TIMM17A: variants seen among roughly 807,000 people sequenced by gnomAD.
TIMM17A encodes mitochondrial import inner membrane translocase subunit Tim17-A.
TIMM17A carries 15 observed loss-of-function variants against 26.5 expected under a neutral mutation model. The ratio of observed to expected loss-of-function variants is 0.57; its 90% CI spans 0.38 to 0.87. The LOEUF is 0.87. Ranked by LOEUF, TIMM17A falls within the 40% of genes least tolerant of loss-of-function variation. The pLI is 0.00. For synonymous variants in TIMM17A, 80 were observed against 70.8 expected (o/e 1.13, Z -0.66); for missense variants, 201 against 210.0 (o/e 0.96, Z 0.27).
At chr1:201,963,818 A>G (rs1682576465) in intron 4 of TIMM17A, 74 bp downstream of exon 4, 2 of 1,465,196 alleles carry the variant, frequency 1.4e-6, no homozygotes, top group Non-Finnish European at 1.8e-6. Context: ...ATTGAATGAC[A>G]TCTGTAATAT....
At chr1:201,957,231 T>A in intron 1 of TIMM17A, 50 bp from the exon 2 acceptor site, 2 of 1,236,442 alleles carry the variant, frequency 1.6e-6, no homozygotes, top group Non-Finnish European at 2.4e-6. Flanking sequence ...AAAGAAGATT[T>A]TATGGTTTGT....
At chr1:201,966,352 A>G (rs774002466) in intron 5 of TIMM17A, among the ~76,000 whole-genome samples, 1 of 151,852 alleles carries the variant, frequency 6.6e-6, no homozygotes, top group South Asian at 2.1e-4. Flanking sequence ...ATGGAGCGAG[A>G]CTCTGTCTCA....
chr1:201,959,900 C>T (rs1682492529), intron 3 of TIMM17A, among the ~76,000 whole-genome samples: 1 of 151,980 alleles, frequency 6.6e-6, no homozygotes, highest in African/African-American at 2.4e-5. Flanking sequence ...CCTTGGGAGG[C>T]TGAGGCACAA....
At chr1:201,960,257 G>GGTGT (rs1682501040) in intron 3 of TIMM17A, among the ~76,000 whole-genome samples, 1 of 152,004 alleles carries the variant, frequency 6.6e-6, no homozygotes, top group African/African-American at 2.4e-5. Flanking sequence ...CCAATTAGCC[G>GGTGT]GGTGTGGTGG....
Position 201,957,216 on chromosome 1 carries a change from T to C in TIMM17A, c.27-65T>C, listed in dbSNP as rs185620313. The stretch of plus-strand genomic sequence containing the variant: ...CTGTTCCATTATAATCCTTACTGTA[T>C]TGGCAAAGAAGATTTTATGGTTTGT... On this transcript the variant is annotated intron_variant, in intron 1 of 5. Transcript: ENST00000367287. 678 of 1,056,718 alleles carry C rather than the reference T, an allele frequency of 6.4e-4. 4 individuals carry two copies. In the African/African-American group the frequency reaches 9.1e-3, roughly 14 times the overall value. 65.5% of individuals were successfully genotyped at this position (1,056,718 alleles called of 1,614,324 possible).
rs764690015 is a variant in TIMM17A, at chr1:201,957,306, G to A, written c.52G>A (p.Gly18Ser). The change falls in exon 2 of 6, where the codon GGT becomes AGT. Residue 18 changes from glycine (G) to serine (S), a missense_variant. Physicochemically the swap from Gly to Ser is moderately conservative, Grantham distance 56. Coordinates refer to ENST00000367287, the MANE Select transcript of TIMM17A (RefSeq NM_006335.3). ...CCCATGGCGAATTGTGGATGACTGTGGTGGGGCCTTTACGATGGGTACCAT... is the reference window on the plus strand; with the variant it reads ...CCCATGGCGAATTGTGGATGACTGTAGTGGGGCCTTTACGATGGGTACCAT... ...PCPWRIVDDC[G>S]GAFTMGTIGG... 3 of 1,613,438 alleles carry A rather than the reference G, an allele frequency of 1.9e-6. No individual in the cohort carries two copies. Among genetic ancestry groups the A allele is most frequent in the African/African-American group, 1.3e-5 (1 of 74,996 alleles).
At chr1:201,964,758 C>T (rs1682597607) in intron 4 of TIMM17A, among the ~76,000 whole-genome samples, 1 of 146,388 alleles carries the variant, frequency 6.8e-6, no homozygotes, top group Admixed American at 7.0e-5. Context: ...AAGCGATTCT[C>T]CTGCCTCAGC....
chr1:201,966,991 TTGTGTGTGTGTG>T, intron 5 of TIMM17A, among the ~76,000 whole-genome samples: 1 of 133,098 alleles, frequency 7.5e-6, no homozygotes, highest in South Asian at 2.4e-4. Context: ...ATTATATATG[TTGTGTGTGTGTG>T]TGTGTGTGTG....
At chr1:201,955,593 G>A in intron 1 of TIMM17A, 41 bp downstream of exon 1, 3 of 1,613,870 alleles carry the variant, frequency 1.9e-6, no homozygotes, top group African/African-American at 1.3e-5. Context: ...TTGCCCCCCT[G>A]CCCACTGCCC....
chr1:201,957,207 C>A, intron 1 of TIMM17A, 74 bp from the exon 2 acceptor site: 4 of 955,480 alleles, frequency 4.2e-6, no homozygotes, highest in Non-Finnish European at 6.7e-6. Flanking sequence ...CATTATAATC[C>A]TTACTGTATT....
chr1:201,963,497 A>T, intron 3 of TIMM17A, 119 bp from the exon 4 acceptor site: 1 of 959,888 alleles, frequency 1.0e-6, no homozygotes. Context: ...TTGTGTTTGC[A>T]TGTATTTGTT....
chr1:201,970,090 A>T lies in TIMM17A; in HGVS notation c.*536A>T, dbSNP rs1476488003. 1 of 152,374 alleles carries T rather than the reference A, an allele frequency of 6.6e-6. No individual in the cohort carries two copies. The highest frequency in any genetic ancestry group is 1.5e-5 in the Non-Finnish European group (1 of 68,190). The allele number at this position is 152,374 out of a possible 1,614,324, so 9.4% of individuals were successfully genotyped here. A position where few individuals can be genotyped will look rare whatever the true frequency, so the allele number is the denominator to read the frequency against. On this transcript the variant is annotated 3_prime_UTR_variant, in exon 6 of 6. Transcript: ENST00000367287. ...CATTTCACAGTGAGATGCTTTATGG[A>T]TTGAAGGATATGGTAAAATGTTTAT...
chr1:201,968,639 G>A (rs1215355070), intron 5 of TIMM17A, among the ~76,000 whole-genome samples: 1 of 152,024 alleles, frequency 6.6e-6, no homozygotes, highest in Non-Finnish European at 1.5e-5. Flanking sequence ...CTCCCAAAGT[G>A]CTGAGATTAC....
chr1:201,967,068 AAG>A, intron 5 of TIMM17A, among the ~76,000 whole-genome samples: 1 of 149,350 alleles, frequency 6.7e-6, no homozygotes, highest in Middle Eastern at 3.5e-3. Flanking sequence ...GGCATTTGGG[AAG>A]GAAAAAAATA....
At chr1:201,968,526 G>C (rs1393206683) in intron 5 of TIMM17A, among the ~76,000 whole-genome samples, 1 of 151,410 alleles carries the variant, frequency 6.6e-6, no homozygotes, top group African/African-American at 2.4e-5. Context: ...TGAGTAGTTG[G>C]GATTACAGAC....
intron 4 of TIMM17A, among the ~76,000 whole-genome samples, chr1:201,964,643 T>A (rs1200795146): frequency 1.7e-5 from 2 of 116,132 alleles, no homozygotes; most frequent in African/African-American, 3.5e-5. Context: ...TTCTTTTTTT[T>A]TTTTTTTTTT....
At chr1:201,964,222 C>T (rs1682582885) in intron 4 of TIMM17A, among the ~76,000 whole-genome samples, 1 of 152,058 alleles carries the variant, frequency 6.6e-6, no homozygotes, top group Admixed American at 6.6e-5. Flanking sequence ...AATTCTAACC[C>T]ATATATTACA....
intron 4 of TIMM17A, 58 bp from the exon 5 acceptor site, chr1:201,965,375 C>A: frequency 8.3e-7 from 1 of 1,200,580 alleles, no homozygotes; most frequent in Non-Finnish European, 1.2e-6. Context: ...TCTTTACTAT[C>A]TCTTACAGTA....
At chr1:201,968,223 G>A (rs549903875) in intron 5 of TIMM17A, among the ~76,000 whole-genome samples, 209 of 151,160 alleles carry the variant, frequency 1.4e-3, no homozygotes, top group Middle Eastern at 6.8e-3. Flanking sequence ...GGCTGGTCTC[G>A]AACTCCTGAC....
Sources: gnomAD v4.1 joint callset for allele counts (sites outside exome capture counted in the v4.1 genomes callset) on GRCh38, gnomAD v4.1.1 for gene constraint, MANE v1.5 for transcripts, NCBI Gene and HGNC (gene_info 2026-07-23, HGNC 2026-07-21) for gene names.